The following CALN1 variants were observed in gnomAD, a reference collection of about 807,000 sequenced individuals.
CALN1 encodes the protein calcium-binding protein 8.
A neutral mutation model predicts 30.6 loss-of-function variants in CALN1; 17 were observed. The ratio of observed to expected loss-of-function variants is 0.56; its 90% CI spans 0.38 to 0.83. The LOEUF is 0.83. Ranked by LOEUF, CALN1 falls within the 40% of genes least tolerant of loss-of-function variation. CALN1 has a pLI of 0.00. For synonymous variants in CALN1, 156 were observed against 131.4 expected, an observed-to-expected ratio of 1.19 and a Z score of -1.28; for missense variants, 291 against 354.9, an observed-to-expected ratio of 0.82 and a Z score of 1.45.
At chr7:71,878,153 G>GA (rs1792356091) in intron 5 of CALN1, among the ~76,000 whole-genome samples, 1 of 152,186 alleles carries the variant, frequency 6.6e-6, no homozygotes, top group African/African-American at 2.4e-5. Context: ...GAAAAGCCAG[G>GA]AATTAGCCTA....
At chr7:72,291,334 A>G (rs1482303979) in intron 2 of CALN1, among the ~76,000 whole-genome samples, 4 of 152,218 alleles carry the variant, frequency 2.6e-5, no homozygotes. Context: ...TCCCAGTGAC[A>G]AACTGTTTCC....
At chr7:72,396,641 G>A (rs1562946282) in intron 2 of CALN1, among the ~76,000 whole-genome samples, 2 of 152,146 alleles carry the variant, frequency 1.3e-5, no homozygotes, top group Non-Finnish European at 2.9e-5. Context: ...TGGGCAGAGA[G>A]GGGCAAAGAC....
intron 4 of CALN1, among the ~76,000 whole-genome samples, chr7:72,089,325 G>A (rs1283963761): frequency 6.6e-6 from 1 of 152,048 alleles, no homozygotes; most frequent in Non-Finnish European, 1.5e-5. Flanking sequence ...CTTCCACACA[G>A]TTGGGTGGAT....
chr7:72,219,071 T>C (rs920086045), intron 3 of CALN1, among the ~76,000 whole-genome samples: 1 of 152,202 alleles, frequency 6.6e-6, no homozygotes, highest in African/African-American at 2.4e-5. Flanking sequence ...ACTAACAACA[T>C]GCATTTTTTG....
At chr7:71,910,466 C>T (rs1160295109) in intron 5 of CALN1, among the ~76,000 whole-genome samples, 1 of 152,182 alleles carries the variant, frequency 6.6e-6, no homozygotes, top group Non-Finnish European at 1.5e-5. Context: ...GTGCACCAAA[C>T]GTTTGTTTGT....
chr7:71,961,955 C>T (rs1472946590), intron 5 of CALN1, among the ~76,000 whole-genome samples: 1 of 152,144 alleles, frequency 6.6e-6, no homozygotes, highest in Admixed American at 6.6e-5. Context: ...CAATTTCCAG[C>T]TATTGTAGCC....
At chr7:72,475,223 G>A in the CALN1 span, among the ~76,000 whole-genome samples, 2 of 152,142 alleles carry the variant, frequency 1.3e-5, no homozygotes, top group African/African-American at 4.8e-5. Flanking sequence ...CAGCACTTTG[G>A]GAGGTCGAGG....
At chr7:72,404,695 G>A (rs549520695) in intron 1 of CALN1, among the ~76,000 whole-genome samples, 2 of 152,324 alleles carry the variant, frequency 1.3e-5, no homozygotes, top group South Asian at 2.1e-4. Context: ...GGTGAGAGGT[G>A]CATGCTCATG....
the CALN1 span, among the ~76,000 whole-genome samples, chr7:72,453,824 A>G: frequency 6.6e-6 from 1 of 152,214 alleles, no homozygotes; most frequent in Non-Finnish European, 1.5e-5. Flanking sequence ...CAACATGGAA[A>G]CATGAAAGGA....
chr7:72,168,994 C>T (rs1336381814), intron 3 of CALN1, among the ~76,000 whole-genome samples: 6 of 151,724 alleles, frequency 4.0e-5, no homozygotes, highest in Non-Finnish European at 7.4e-5. Context: ...TTAGTAGAGA[C>T]GGGATTTTAC....
chr7:72,162,820 C>T (rs927283737), intron 3 of CALN1, among the ~76,000 whole-genome samples: 17 of 152,124 alleles, frequency 1.1e-4, no homozygotes, highest in Admixed American at 5.2e-4. Flanking sequence ...TCAGTATGAG[C>T]CATGAGGTGG....
intron 2 of CALN1, among the ~76,000 whole-genome samples, chr7:72,322,863 A>G (rs1008479172): frequency 6.6e-6 from 1 of 151,980 alleles, no homozygotes. Context: ...TACCCCACTT[A>G]CCCTGACATC....
At chr7:72,436,536 C>A (rs887163447) in intron 1 of CALN1, among the ~76,000 whole-genome samples, 1 of 152,192 alleles carries the variant, frequency 6.6e-6, no homozygotes, top group Non-Finnish European at 1.5e-5. Context: ...TTCCTTAAGT[C>A]TCTTGGTGAC....
chr7:71,970,524 T>A (rs1797741475), intron 5 of CALN1, among the ~76,000 whole-genome samples: 1 of 151,990 alleles, frequency 6.6e-6, no homozygotes. Flanking sequence ...CTTTGGCCGT[T>A]AAGAAATCCA....
intron 3 of CALN1, among the ~76,000 whole-genome samples, chr7:72,173,261 A>G (rs1222404936): frequency 6.6e-6 from 1 of 152,142 alleles, no homozygotes; most frequent in African/African-American, 2.4e-5. Context: ...CAAAAGTTAT[A>G]CAAAATCTCG....
intron 3 of CALN1, among the ~76,000 whole-genome samples, chr7:72,166,576 C>T (rs1788539504): frequency 6.6e-6 from 1 of 152,184 alleles, no homozygotes; most frequent in African/African-American, 2.4e-5. Flanking sequence ...AAAATGCATT[C>T]CTAATTGATA....
intron 4 of CALN1, among the ~76,000 whole-genome samples, chr7:72,056,126 C>T (rs1803243692): frequency 7.1e-6 from 1 of 140,480 alleles, no homozygotes; most frequent in Non-Finnish European, 1.5e-5. Context: ...ACCATGCTTC[C>T]TGGTAGAAGG....
chr7:72,144,339 A>G (rs1352213552), intron 3 of CALN1, among the ~76,000 whole-genome samples: 5 of 152,224 alleles, frequency 3.3e-5, no homozygotes, highest in Non-Finnish European at 5.9e-5. Context: ...GTCTCTGATA[A>G]AAGACTTTAA....
intron 3 of CALN1, among the ~76,000 whole-genome samples, chr7:72,208,840 G>A (rs1053801445): frequency 6.6e-6 from 1 of 152,194 alleles, no homozygotes; most frequent in Non-Finnish European, 1.5e-5. Context: ...AATACACAGT[G>A]TTAGAAGTAA....
Sources: gnomAD v4.1 joint callset for allele counts (sites outside exome capture counted in the v4.1 genomes callset) on GRCh38, gnomAD v4.1.1 for gene constraint, MANE v1.5 for transcripts, NCBI Gene and HGNC (gene_info 2026-07-23, HGNC 2026-07-21) for gene names.